The following DLG1 variants were observed in gnomAD, a reference collection of about 807,000 sequenced individuals.
DLG1 encodes disks large homolog 1.
In DLG1, 42 loss-of-function variants were observed where a neutral mutation model predicts 123.4. That is an observed-to-expected ratio of 0.34 (90% confidence interval 0.27 to 0.44). The LOEUF (loss-of-function observed/expected upper bound fraction) is 0.44. Ranked by LOEUF, DLG1 falls within the 20% of genes least tolerant of loss-of-function variation. The probability of loss-of-function intolerance (pLI) is 1.00; values close to 1 mark genes in which losing one functional copy is unlikely to be tolerated. For synonymous variants in DLG1, 317 were observed against 356.2 expected (o/e 0.89, Z 1.24); for missense variants, 942 against 1,082.6 (o/e 0.87, Z 1.82).
chr3:197,269,811 G>T (rs573068787), intron 4 of DLG1, among the ~76,000 whole-genome samples: 1 of 152,266 alleles, frequency 6.6e-6, no homozygotes, highest in Non-Finnish European at 1.5e-5. Context: ...TTAAAACTAT[G>T]CTATTTGAAA....
At chr3:197,203,036 G>C (rs1726624769) in intron 4 of DLG1, among the ~76,000 whole-genome samples, 1 of 152,162 alleles carries the variant, frequency 6.6e-6, no homozygotes, top group South Asian at 2.1e-4. Flanking sequence ...ACTTTGGAAG[G>C]CTGAGGAAAG....
intron 4 of DLG1, among the ~76,000 whole-genome samples, chr3:197,224,681 A>G (rs1187610782): frequency 6.6e-6 from 1 of 152,216 alleles, no homozygotes; most frequent in Non-Finnish European, 1.5e-5. Context: ...GTAGGAAAAT[A>G]AGAATTCTCT....
intron 4 of DLG1, among the ~76,000 whole-genome samples, chr3:197,222,549 A>G (rs1481558503): frequency 6.6e-6 from 1 of 152,156 alleles, no homozygotes; most frequent in African/African-American, 2.4e-5. Context: ...TTTCCACCCA[A>G]TTATCTCTTA....
chr3:197,125,523 G>A (rs1778596226), intron 11 of DLG1, among the ~76,000 whole-genome samples: 1 of 152,162 alleles, frequency 6.6e-6, no homozygotes, highest in Admixed American at 6.5e-5. Flanking sequence ...AAATAATAAT[G>A]TCAAATGACT....
At chr3:197,164,750 A>G (rs1227734990) in intron 5 of DLG1, among the ~76,000 whole-genome samples, 3 of 151,000 alleles carry the variant, frequency 2.0e-5, no homozygotes, top group East Asian at 1.9e-4. Context: ...AAAAAAAAAA[A>G]AAAAAGAAAA....
intron 6 of DLG1, among the ~76,000 whole-genome samples, chr3:197,149,317 T>C (rs1029061467): frequency 9.2e-5 from 14 of 152,196 alleles, no homozygotes; most frequent in Non-Finnish European, 1.6e-4. Context: ...AAGTGGACTT[T>C]TGTCCCTGAT....
chr3:197,125,753 G>A (rs769469554), intron 11 of DLG1, among the ~76,000 whole-genome samples: 6 of 152,208 alleles, frequency 3.9e-5, no homozygotes, highest in African/African-American at 7.2e-5. Context: ...GGTGTTGGAT[G>A]AATCATTAGT....
At chr3:197,133,391 G>A (rs894980920) in intron 10 of DLG1, among the ~76,000 whole-genome samples, 1 of 152,166 alleles carries the variant, frequency 6.6e-6, no homozygotes, top group African/African-American at 2.4e-5. Context: ...ACCTAACAGT[G>A]GATTTTGTGG....
At chr3:197,254,039 T>G (rs1755725897) in intron 4 of DLG1, among the ~76,000 whole-genome samples, 1 of 152,154 alleles carries the variant, frequency 6.6e-6, no homozygotes, top group Non-Finnish European at 1.5e-5. Context: ...CTGACAAGCC[T>G]AGACTCAGGT....
chr3:197,085,700 T>C lies in DLG1; in HGVS notation c.1718A>G (p.Asn573Ser). The C allele has an allele frequency of 6.2e-7, 1 of 1,613,932 alleles. No homozygotes were observed. The highest frequency in any genetic ancestry group is 8.5e-7 in the Non-Finnish European group (1 of 1,179,976). ...ATGGAGGATATCTCCAAATTTGAAGTTCAGTCCCTGACTGGGAAGCCCACT... is the reference window on the plus strand; with the variant it reads ...ATGGAGGATATCTCCAAATTTGAAGCTCAGTCCCTGACTGGGAAGCCCACT... Reference protein sequence around the residue: ...KDSGLPSQGLNFKFGDILHVI... With the variant: ...KDSGLPSQGLSFKFGDILHVI... Residue 573 changes from asparagine (N) to serine (S), a missense_variant, in exon 16 of 25, where the codon AAC becomes AGC. Asn to Ser is a conservative substitution (Grantham distance 46). Transcript: ENST00000667157.
At chr3:197,160,870 A>C (rs1316826397) in intron 5 of DLG1, among the ~76,000 whole-genome samples, 1 of 152,132 alleles carries the variant, frequency 6.6e-6, no homozygotes, top group Non-Finnish European at 1.5e-5. Flanking sequence ...GGGTTCATTT[A>C]TTTACACTTT....
intron 4 of DLG1, among the ~76,000 whole-genome samples, chr3:197,215,518 A>G (rs1733674204): frequency 6.6e-6 from 1 of 152,210 alleles, no homozygotes; most frequent in South Asian, 2.1e-4. Flanking sequence ...AAACCTAAAC[A>G]GAAAACACTG....
intron 5 of DLG1, among the ~76,000 whole-genome samples, chr3:197,179,421 C>T (rs1808902232): frequency 6.6e-6 from 1 of 152,060 alleles, no homozygotes; most frequent in Non-Finnish European, 1.5e-5. Context: ...TCCCTTAAAT[C>T]CTGTAATTAA....
intron 4 of DLG1, among the ~76,000 whole-genome samples, chr3:197,220,712 A>G (rs1439211724): frequency 6.6e-6 from 1 of 152,196 alleles, no homozygotes; most frequent in Non-Finnish European, 1.5e-5. Flanking sequence ...TGAAAGACTG[A>G]GGAACTAGCT....
chr3:197,156,774 A>G (rs1300925799), intron 5 of DLG1, among the ~76,000 whole-genome samples: 2 of 152,250 alleles, frequency 1.3e-5, no homozygotes, highest in Non-Finnish European at 2.9e-5. Context: ...TAACGCACCT[A>G]ATAGCAGACC....
chr3:197,236,646 G>A (rs1746116182), intron 4 of DLG1, among the ~76,000 whole-genome samples: 1 of 152,134 alleles, frequency 6.6e-6, no homozygotes, highest in East Asian at 1.9e-4. Flanking sequence ...TCAAAGGTGG[G>A]TTGTCCCTAA....
intron 14 of DLG1, among the ~76,000 whole-genome samples, chr3:197,101,236 C>T (rs1016865481): frequency 6.6e-6 from 1 of 152,168 alleles, no homozygotes; most frequent in African/African-American, 2.4e-5. Context: ...TACTTGGTCT[C>T]TTTATGGAAG....
At chr3:197,297,410 C>T (rs1166248268) in intron 1 of DLG1, 175 bp from the exon 2 acceptor site, 2 of 1,426,898 alleles carry the variant, frequency 1.4e-6, no homozygotes, top group African/African-American at 2.9e-5. Flanking sequence ...GAAAGCTTTT[C>T]CTTGGAGTGG....
chr3:197,211,840 G>C (rs149667129), intron 4 of DLG1, among the ~76,000 whole-genome samples: 2 of 146,192 alleles, frequency 1.4e-5, no homozygotes, highest in East Asian at 3.9e-4. Flanking sequence ...CAATAGCAAA[G>C]ACATGGACAT....
Sources: allele counts gnomAD v4.1 joint callset (sites outside exome capture counted in the v4.1 genomes callset), GRCh38; gene constraint gnomAD v4.1.1; transcripts MANE v1.5; gene names NCBI Gene and HGNC (gene_info 2026-07-23, HGNC 2026-07-21).